The following MYL9 variants were observed in gnomAD, a reference collection of about 807,000 sequenced individuals.
MYL9 encodes myosin regulatory light polypeptide 9.
MYL9 carries 7 observed loss-of-function variants against 12.8 expected under a neutral mutation model. The ratio of observed to expected loss-of-function variants is 0.55; its 90% confidence interval spans 0.31 to 1.03. MYL9 has a LOEUF of 1.03. Ranked by LOEUF, MYL9 falls within the 50% of genes least tolerant of loss-of-function variation. MYL9 has a pLI of 0.05. For missense variants in MYL9, 190 were observed against 242.7 expected (o/e 0.78, Z 1.44); for synonymous variants, 81 against 87.8 (o/e 0.92, Z 0.43).
chr20:36,547,121 T>C (rs2038110483), intron 2 of MYL9, among the ~76,000 whole-genome samples: 2 of 152,312 alleles, frequency 1.3e-5, no homozygotes, highest in African/African-American at 4.8e-5. Context: ...CCTGAACCCC[T>C]GAGACTTCAT....
chr20:36,548,052 T>C lies in MYL9; in HGVS notation c.205T>C (p.Tyr69His), dbSNP rs771426220. 4 of 1,612,434 alleles carry C rather than the reference T, an allele frequency of 2.5e-6. No homozygotes were observed. The highest frequency in any genetic ancestry group is 2.2e-5 in the East Asian group (1 of 44,806). Residue 69 changes from tyrosine to histidine, a missense_variant, in exon 3 of 4, where the codon TAC (tyrosine) becomes CAC (histidine). Transcript: ENST00000279022. ...CACAGGGAAGAACCCCACAGACGAA[T>C]ACCTGGAGGGCATGATGAGCGAGGC... ...ASLGKNPTDE[Y>H]LEGMMSEAPG...
Position 36,549,611 on chromosome 20 carries a change from T to A in MYL9, c.*362T>A. Reference sequence around the variant, plus strand: ...CCCCCCAGGAGGAAGAGGCCCTGAGTCCTGGGATCAGACACCCCTTCACGT... The same window carrying A: ...CCCCCCAGGAGGAAGAGGCCCTGAGACCTGGGATCAGACACCCCTTCACGT... On this transcript the variant is annotated 3_prime_UTR_variant, in exon 4 of 4. Coordinates refer to ENST00000279022, the MANE Select transcript of MYL9 (RefSeq NM_006097.5). The A allele has an allele frequency of 5.0e-6, 1 of 200,740 alleles. No homozygotes were observed. Among genetic ancestry groups the A allele is most frequent in the Non-Finnish European group, 1.0e-5 (1 of 98,026 alleles). 12.4% of individuals were successfully genotyped at this position (200,740 alleles called of 1,614,324 possible).
At position 36,548,202 on chromosome 20, in the gene MYL9, C is replaced by T. The variant is rs769292309; in HGVS notation, c.346+9C>T. The T allele has an allele frequency of 4.4e-6, 7 of 1,598,656 alleles. No homozygotes were observed. The highest frequency in any genetic ancestry group is 6.0e-6 in the Non-Finnish European group (7 of 1,170,742). On this transcript the variant is annotated intron_variant, in intron 3 of 3. Coordinates refer to ENST00000279022, the MANE Select transcript of MYL9 (RefSeq NM_006097.5). Reference sequence around the variant, plus strand: ...CGACGAGGAAGCCTCAGGTCCGTGGCGCCCCCTACCACCACTCTGCATGCA... The same window carrying T: ...CGACGAGGAAGCCTCAGGTCCGTGGTGCCCCCTACCACCACTCTGCATGCA...
chr20:36,546,807 G>A (rs2038106185), intron 2 of MYL9, among the ~76,000 whole-genome samples: 1 of 152,026 alleles, frequency 6.6e-6, no homozygotes, highest in East Asian at 1.9e-4. Flanking sequence ...ACAGGGTTTC[G>A]CCATGTTGGC....
At chr20:36,545,898 C>T (rs569060858) in intron 2 of MYL9, among the ~76,000 whole-genome samples, 2 of 152,194 alleles carry the variant, frequency 1.3e-5, no homozygotes, top group East Asian at 1.9e-4. Flanking sequence ...CCAGCCTGGG[C>T]GACAGAGCAA....
chr20:36,548,061 G>A lies in MYL9; in HGVS notation c.214G>A (p.Gly72Ser). Residue 72 changes from glycine to serine, a missense_variant, in exon 3 of 4, where the codon GGC (glycine) becomes AGC (serine). Physicochemically the swap from Gly to Ser is moderately conservative, Grantham distance 56. Transcript: ENST00000279022. ...GKNPTDEYLE[G>S]MMSEAPGPIN... ...GAACCCCACAGACGAATACCTGGAG[G>A]GCATGATGAGCGAGGCCCCGGGGCC... 1 of 1,613,086 alleles carries A rather than the reference G, an allele frequency of 6.2e-7. No homozygotes were observed. The highest frequency in any genetic ancestry group is 8.5e-7 in the Non-Finnish European group (1 of 1,179,376).
In MYL9 at chr20:36,550,119, C is replaced by T. The variant is rs1218863259; in HGVS notation, c.*870C>T. On this transcript the variant is annotated 3_prime_UTR_variant, in exon 4 of 4. Coordinates refer to ENST00000279022, the MANE Select transcript of MYL9 (RefSeq NM_006097.5). ...CCATGGGAATCACCACAGCCAATCCCGTGGAGGGTTCCAGGCCTCTTGGGG... is the reference window on the plus strand; with the variant it reads ...CCATGGGAATCACCACAGCCAATCCTGTGGAGGGTTCCAGGCCTCTTGGGG... 6.6e-6 allele frequency: 1 copy of T among 152,514 alleles called. No homozygotes were observed. Among genetic ancestry groups the T allele is most frequent in the Non-Finnish European group, 1.5e-5 (1 of 68,350 alleles). The allele number at this position is 152,514 out of a possible 1,614,324, so 9.4% of individuals were successfully genotyped here.
chr20:36,544,379 C>T (rs1039198535), intron 1 of MYL9, among the ~76,000 whole-genome samples: 1 of 152,146 alleles, frequency 6.6e-6, no homozygotes, highest in Non-Finnish European at 1.5e-5. Context: ...GGCCAGGGAG[C>T]CTGGATGGCA....
At chr20:36,547,996 C>G (rs775027220) in intron 2 of MYL9, 36 bp from the exon 3 acceptor site, 2 of 1,571,254 alleles carry the variant, frequency 1.3e-6, no homozygotes, top group Non-Finnish European at 1.7e-6. Context: ...GACAGAGGGC[C>G]CAGGACCACA....
chr20:36,548,051 A>T lies in MYL9; in HGVS notation c.204A>T (p.Glu68Asp). 6.2e-7 allele frequency: 1 copy of T among 1,612,154 alleles called. No individual in the cohort carries two copies. ...CCACAGGGAAGAACCCCACAGACGA[A>T]TACCTGGAGGGCATGATGAGCGAGG... ...LASLGKNPTDEYLEGMMSEAP... is the reference protein window; with the variant it reads ...LASLGKNPTDDYLEGMMSEAP... The change falls in exon 3 of 4, where the codon GAA becomes GAT. Residue 68 changes from glutamate to aspartate, a missense_variant. Physicochemically the swap from Glu to Asp is conservative, Grantham distance 45 (BLOSUM62 2). Coordinates refer to ENST00000279022, the MANE Select transcript of MYL9 (RefSeq NM_006097.5).
chr20:36,546,181 C>T (rs2038097944), intron 2 of MYL9, among the ~76,000 whole-genome samples: 1 of 152,230 alleles, frequency 6.6e-6, no homozygotes, highest in African/African-American at 2.4e-5. Context: ...AGAGGCAAGG[C>T]CTCCACAGAC....
chr20:36,544,514 C>T (rs2038071810), intron 1 of MYL9, among the ~76,000 whole-genome samples: 1 of 152,112 alleles, frequency 6.6e-6, no homozygotes, highest in African/African-American at 2.4e-5. Context: ...GGCACCAAGC[C>T]CAATCCTAAG....
At position 36,546,932 on chromosome 20, in the gene MYL9, C is replaced by T. The variant is rs1474295204; in HGVS notation, c.185-1100C>T. Among the ~76,000 whole-genome samples the T allele has an allele frequency of 5.9e-5, 9 of 152,292 alleles. No homozygotes were observed. The East Asian group carries it at 1.2e-3, about 20-fold the overall frequency. On this transcript the variant is annotated intron_variant, in intron 2 of 3. Coordinates refer to ENST00000279022, the MANE Select transcript of MYL9 (RefSeq NM_006097.5). The stretch of plus-strand genomic sequence containing the variant: ...TTCTTATCTGGGGCTTTCCCAGCTT[C>T]GTGGAAGGACTGAGGCCTGGTGAGA...
rs185238685 is a variant in MYL9, at chr20:36,549,286, T to C, written c.*37T>C. On this transcript the variant is annotated 3_prime_UTR_variant, in exon 4 of 4. Transcript: ENST00000279022. ...CCCCTGACACCCCAGCCCCCGCCAG[T>C]CACCCCTCCCCGCACACACCCGTCC... The C allele has an allele frequency of 1.6e-4, 217 of 1,386,672 alleles. No individual in the cohort carries two copies. In the African/African-American group the frequency reaches 3.7e-3, roughly 24 times the overall value. 85.9% of individuals were successfully genotyped at this position (1,386,672 alleles called of 1,614,324 possible).
Position 36,548,641 on chromosome 20 carries a change from G to A in MYL9, c.347-436G>A, listed in dbSNP as rs6026832. 7.2e-3 allele frequency among the ~76,000 whole-genome samples: 1,093 copies of A among 152,284 alleles called. 14 individuals are homozygous for A. Among genetic ancestry groups the A allele is most frequent in the African/African-American group, 0.025 (1,030 of 41,550 alleles). Reference sequence around the variant, plus strand: ...ACGGTCCCTCACTGCAATGGCATACGTTCATCCCTGTTTTCTAGATTAAAC... The same window carrying A: ...ACGGTCCCTCACTGCAATGGCATACATTCATCCCTGTTTTCTAGATTAAAC... On this transcript the variant is annotated intron_variant, in intron 3 of 3. Transcript: ENST00000279022.
rs755529711 is a variant in MYL9 at position 36,549,073 on chromosome 20, G to A, written c.347-4G>A. ...GCTCTCACCCACCCTGCCCCTGCCC[G>A]CAGGTTTCATCCATGAGGACCACCT... On this transcript the variant is annotated splice_polypyrimidine_tract_variant and splice_region_variant and intron_variant, in intron 3 of 3. Coordinates refer to ENST00000279022, the MANE Select transcript of MYL9 (RefSeq NM_006097.5). 1.3e-5 allele frequency: 21 copies of A among 1,611,258 alleles called. No homozygotes were observed. The highest frequency in any genetic ancestry group is 8.4e-5 in the Admixed American group (5 of 59,868).
chr20:36,545,712 C>T (rs936169071), intron 2 of MYL9, among the ~76,000 whole-genome samples: 2 of 151,018 alleles, frequency 1.3e-5, no homozygotes, highest in African/African-American at 4.9e-5. Flanking sequence ...GGGCGGATCA[C>T]GAGGTCAGAA....
intron 1 of MYL9, among the ~76,000 whole-genome samples, chr20:36,541,894 T>C (rs964089883): frequency 5.9e-5 from 9 of 152,016 alleles, no homozygotes; most frequent in South Asian, 4.1e-4. Context: ...CGGGGGGGGC[T>C]GGGGAGCCCG....
chr20:36,545,646 G>A (rs2038089193), intron 2 of MYL9, among the ~76,000 whole-genome samples: 1 of 150,702 alleles, frequency 6.6e-6, no homozygotes, highest in Non-Finnish European at 1.5e-5. Context: ...AAAGGGGTCA[G>A]CTGGCCAGGC....
Sources: gnomAD v4.1 joint callset for allele counts (sites outside exome capture counted in the v4.1 genomes callset) on GRCh38, gnomAD v4.1.1 for gene constraint, MANE v1.5 for transcripts, NCBI Gene and HGNC (gene_info 2026-07-23, HGNC 2026-07-21) for gene names.